The following ARHGEF3 variants were observed in gnomAD, a reference collection of about 807,000 sequenced individuals.
ARHGEF3 encodes the protein 59.8 kDA protein.
A neutral mutation model predicts 63.2 loss-of-function variants in ARHGEF3; 28 were observed. The ratio of observed to expected loss-of-function variants is 0.44; its 90% CI spans 0.33 to 0.61. The LOEUF is 0.61. Ranked by LOEUF, ARHGEF3 falls within the 20% of genes least tolerant of loss-of-function variation. The pLI is 0.03. For missense variants in ARHGEF3, 533 were observed against 659.3 expected (o/e 0.81, Z 2.10); for synonymous variants, 266 against 254.2 (o/e 1.05, Z -0.44).
intron 3 of ARHGEF3, among the ~76,000 whole-genome samples, chr3:56,898,304 G>A (rs1161583266): frequency 6.6e-6 from 1 of 152,160 alleles, no homozygotes; most frequent in African/African-American, 2.4e-5. Flanking sequence ...CCACTGCCCA[G>A]GTTCAAGCAA....
chr3:56,729,601 C>A lies in ARHGEF3; in HGVS notation c.1250G>T (p.Ser417Ile). The change falls in exon 10 of 10, where the codon AGT (serine) becomes ATT (isoleucine). Residue 417 changes from serine to isoleucine, a missense_variant. Around this residue, in one of 4 missense-constraint regions of ARHGEF3, gnomAD observed 151 missense variants for 190.7 expected, o/e 0.79. Transcript: ENST00000296315. ...NERIKNFFRV[S>I]FKNGSQSQTH... is the part of the protein sequence containing the mutation. ...CTGACTTTGGGATCCATTTTTGAAA[C>A]TGACTCTGAAGAAGTTTTTAACTAG... 1 of 1,603,998 alleles carries A rather than the reference C, an allele frequency of 6.2e-7. No homozygotes were observed.
intron 3 of ARHGEF3, among the ~76,000 whole-genome samples, chr3:56,883,073 T>C (rs1368221558): frequency 6.6e-6 from 1 of 152,190 alleles, no homozygotes; most frequent in Non-Finnish European, 1.5e-5. Flanking sequence ...TAGAGGTGCT[T>C]TGTACTTAAG....
intron 4 of ARHGEF3, among the ~76,000 whole-genome samples, chr3:56,809,292 G>A (rs922895933): frequency 6.6e-6 from 1 of 152,138 alleles, no homozygotes; most frequent in African/African-American, 2.4e-5. Flanking sequence ...TAAAACACCA[G>A]TGAAAATTAA....
chr3:56,929,013 C>A (rs1258105914), intron 3 of ARHGEF3, among the ~76,000 whole-genome samples: 1 of 152,110 alleles, frequency 6.6e-6, no homozygotes, highest in Non-Finnish European at 1.5e-5. Flanking sequence ...ATAAAGGACA[C>A]CCACAAGGTC....
chr3:56,963,019 CTG>C (rs1435930173), intron 2 of ARHGEF3, among the ~76,000 whole-genome samples: 1 of 152,008 alleles, frequency 6.6e-6, no homozygotes, highest in Non-Finnish European at 1.5e-5. Context: ...TGTCTGCGCA[CTG>C]TGTGGGGCTC....
At chr3:56,894,438 C>A (rs6768615) in intron 3 of ARHGEF3, among the ~76,000 whole-genome samples, 50,021 of 151,820 alleles carry the variant, frequency 0.33, 8,561 homozygotes, top group Non-Finnish European at 0.38. Flanking sequence ...TATTGTGGGC[C>A]CCAGAATAAA....
intron 1 of ARHGEF3, among the ~76,000 whole-genome samples, chr3:56,790,441 G>T (rs1170813307): frequency 1.3e-5 from 2 of 152,156 alleles, no homozygotes; most frequent in East Asian, 3.9e-4. Context: ...TCTTTACAGT[G>T]GTTTCTGACT....
intron 2 of ARHGEF3, among the ~76,000 whole-genome samples, chr3:56,758,076 A>G (rs2035192427): frequency 6.6e-6 from 1 of 150,968 alleles, no homozygotes; most frequent in Non-Finnish European, 1.5e-5. Flanking sequence ...TCAGGAGTTC[A>G]AGACCAGCCT....
intron 1 of ARHGEF3, among the ~76,000 whole-genome samples, chr3:56,784,381 C>G (rs2036700161): frequency 6.6e-6 from 1 of 152,130 alleles, no homozygotes; most frequent in Non-Finnish European, 1.5e-5. Flanking sequence ...GCTGGACATC[C>G]CTGGTTGGAT....
chr3:56,937,833 C>CCT (rs1440437963), intron 3 of ARHGEF3, among the ~76,000 whole-genome samples: 2 of 152,182 alleles, frequency 1.3e-5, no homozygotes, highest in Admixed American at 6.5e-5. Flanking sequence ...TTCTCCCCAT[C>CCT]CTCTTTTTAA....
At chr3:56,887,602 G>A (rs2108272364) in intron 3 of ARHGEF3, among the ~76,000 whole-genome samples, 1 of 152,314 alleles carries the variant, frequency 6.6e-6, no homozygotes, top group South Asian at 2.1e-4. Flanking sequence ...CCACTGATCA[G>A]TTACCTGGGG....
At chr3:56,882,022 G>C (rs992025405) in intron 4 of ARHGEF3, among the ~76,000 whole-genome samples, 2 of 152,222 alleles carry the variant, frequency 1.3e-5, no homozygotes, top group African/African-American at 4.8e-5. Context: ...TATTTATCTA[G>C]ATTCTACCCA....
intron 1 of ARHGEF3, among the ~76,000 whole-genome samples, chr3:57,050,301 G>A (rs996276236): frequency 6.6e-6 from 1 of 152,182 alleles, no homozygotes. Flanking sequence ...TTTGCCTCAG[G>A]GCCTTCCCAC....
intron 4 of ARHGEF3, among the ~76,000 whole-genome samples, chr3:56,825,868 G>A (rs28445163): frequency 0.62 from 93,959 of 151,936 alleles, 29,291 homozygotes; most frequent in Non-Finnish European, 0.64. Context: ...CCCAATTCTC[G>A]GAGCTTATGG....
chr3:57,055,557 T>C (rs1401732091), intron 1 of ARHGEF3, among the ~76,000 whole-genome samples: 1 of 152,224 alleles, frequency 6.6e-6, no homozygotes, highest in Non-Finnish European at 1.5e-5. Context: ...TCCATTGATT[T>C]GCCTTGCACA....
At chr3:56,834,632 T>A (rs760753024) in intron 4 of ARHGEF3, among the ~76,000 whole-genome samples, 1 of 151,634 alleles carries the variant, frequency 6.6e-6, no homozygotes, top group East Asian at 1.9e-4. Context: ...TGGTGGCACA[T>A]GCCTGTAATC....
At chr3:56,819,780 C>A (rs1446510909) in intron 4 of ARHGEF3, among the ~76,000 whole-genome samples, 1 of 151,926 alleles carries the variant, frequency 6.6e-6, no homozygotes, top group Non-Finnish European at 1.5e-5. Flanking sequence ...CTTAGCCTCC[C>A]AGAGTGCTGG....
rs576575920 is a variant in ARHGEF3 at position 56,729,171 on chromosome 3, A to G, written c.*99T>C. On this transcript the variant is annotated 3_prime_UTR_variant, in exon 10 of 10. Transcript: ENST00000296315. ...CTGGGCCAACATGTATACTTTCACA[A>G]AAGTATGAAAAAGTGCTTCTCCAAA... The G allele has an allele frequency of 8.7e-5, 94 of 1,075,530 alleles. No individual in the cohort carries two copies. Among genetic ancestry groups the G allele is most frequent in the South Asian group, 5.3e-4 (32 of 60,778 alleles). 66.6% of individuals were successfully genotyped at this position (1,075,530 alleles called of 1,614,324 possible).
intron 4 of ARHGEF3, among the ~76,000 whole-genome samples, chr3:56,819,544 C>G (rs2038394071): frequency 6.6e-6 from 1 of 150,450 alleles, no homozygotes; most frequent in Non-Finnish European, 1.5e-5. Context: ...CAGAGTCTAG[C>G]TCTGTCTCCC....
Sources: allele counts gnomAD v4.1 joint callset (sites outside exome capture counted in the v4.1 genomes callset), GRCh38; gene constraint gnomAD v4.1.1; regional missense constraint gnomAD v4.1.1; transcripts MANE v1.5; gene names NCBI Gene and HGNC (gene_info 2026-07-23, HGNC 2026-07-21).